The following SHISAL1 variants were observed in gnomAD, a reference collection of about 807,000 sequenced individuals.
SHISAL1 encodes protein shisa-like-1.
SHISAL1 carries 9 observed loss-of-function variants against 22.6 expected under a neutral mutation model. The ratio of observed to expected loss-of-function variants is 0.40; its 90% CI spans 0.24 to 0.70. The LOEUF (loss-of-function observed/expected upper bound fraction) is 0.70, where lower values mean the gene tolerates loss of function less well. Ranked by LOEUF, SHISAL1 falls within the 30% of genes least tolerant of loss-of-function variation. SHISAL1 has a pLI of 0.39. For missense variants in SHISAL1, 246 were observed against 270.6 expected (o/e 0.91, Z 0.64); for synonymous variants, 119 against 115.4 (o/e 1.03, Z -0.20).
intron 3 of SHISAL1, among the ~76,000 whole-genome samples, chr22:44,290,545 C>CAAAAACAAAAAAAA (rs2055346207): frequency 8.1e-6 from 1 of 123,484 alleles, no homozygotes; most frequent in African/African-American, 3.0e-5. Flanking sequence ...AAAAAAAAAA[C>CAAAAACAAAAAAAA]AAAAAACGGG....
At chr22:44,276,663 G>T (rs544784864) in intron 4 of SHISAL1, among the ~76,000 whole-genome samples, 1 of 152,230 alleles carries the variant, frequency 6.6e-6, no homozygotes, top group Non-Finnish European at 1.5e-5. Context: ...GGGAGGCAGC[G>T]GGGATGTGGA....
intron 4 of SHISAL1, among the ~76,000 whole-genome samples, chr22:44,263,969 C>T (rs1415924481): frequency 6.6e-6 from 1 of 152,208 alleles, no homozygotes; most frequent in Non-Finnish European, 1.5e-5. Context: ...GCATTCACTT[C>T]ACCAAGAGAC....
At chr22:44,280,521 C>T (rs2055268956) in intron 4 of SHISAL1, among the ~76,000 whole-genome samples, 1 of 152,178 alleles carries the variant, frequency 6.6e-6, no homozygotes, top group South Asian at 2.1e-4. Context: ...TCCCAGCACT[C>T]TCTGCTGGGC....
At chr22:44,290,539 A>AAAAAAAAAAAC (rs1377709388) in intron 3 of SHISAL1, among the ~76,000 whole-genome samples, 3 of 148,020 alleles carry the variant, frequency 2.0e-5, no homozygotes, top group African/African-American at 2.6e-5. Context: ...CAAAAAAAAA[A>AAAAAAAAAAAC]AAAAACAAAA....
At chr22:44,289,517 C>A (rs1466763229) in intron 3 of SHISAL1, among the ~76,000 whole-genome samples, 1 of 148,732 alleles carries the variant, frequency 6.7e-6, no homozygotes, top group East Asian at 2.1e-4. Context: ...CTCCTGGCCT[C>A]TGCAGCCAGC....
chr22:44,324,381 A>C, the SHISAL1 span, among the ~76,000 whole-genome samples: 1 of 152,274 alleles, frequency 6.6e-6, no homozygotes, highest in South Asian at 2.1e-4. Flanking sequence ...TCATTTCCTC[A>C]TTCATTCAAC....
At chr22:44,319,296 G>A in the SHISAL1 span, among the ~76,000 whole-genome samples, 7 of 152,260 alleles carry the variant, frequency 4.6e-5, no homozygotes, top group Non-Finnish European at 7.3e-5. Context: ...ACACAGCCTC[G>A]GAGAGATTGT....
intron 1 of SHISAL1, among the ~76,000 whole-genome samples, chr22:44,307,140 G>A (rs569377514): frequency 5.3e-5 from 8 of 152,302 alleles, no homozygotes; most frequent in East Asian, 1.9e-4. Context: ...GGCGTCCGCC[G>A]TCCTCCATCC....
rs146516955 is a variant in SHISAL1 at position 44,289,442 on chromosome 22, G to A, written c.282-3697C>T. 3.6e-3 allele frequency among the ~76,000 whole-genome samples: 542 copies of A among 150,962 alleles called. 3 individuals carry two copies. The highest frequency in any genetic ancestry group is 0.013 in the African/African-American group (522 of 41,006). On this transcript the variant is annotated intron_variant, in intron 3 of 4. Coordinates refer to ENST00000381176, the MANE Select transcript of SHISAL1 (RefSeq NM_001099294.2). ...CCCTGTCCTCCCTCCTTGGGGCACC[G>A]TGCAGATCAGTGTGTCATTGTAAAT... is the stretch of plus-strand genomic sequence containing the variant.
the SHISAL1 span, among the ~76,000 whole-genome samples, chr22:44,325,228 G>C: frequency 0.062 from 9,275 of 148,642 alleles, 610 homozygotes; most frequent in African/African-American, 0.17. Flanking sequence ...GGGTGACAGA[G>C]AGAGACTCCG....
Position 44,296,852 on chromosome 22 carries a change from T to A in SHISAL1, c.101A>T (p.Tyr34Phe). 6.2e-7 allele frequency: 1 copy of A among 1,612,888 alleles called. No individual in the cohort carries two copies. The highest frequency in any genetic ancestry group is 8.5e-7 in the Non-Finnish European group (1 of 1,179,992). ...LSAHFRVCEP[Y>F]TDHKGRYHFG... Reference sequence around the variant, plus strand: ...GTGGTAGCGGCCTTTGTGGTCTGTGTATGGTTCACAGACCCGGAAATGTGC... The same window carrying A: ...GTGGTAGCGGCCTTTGTGGTCTGTGAATGGTTCACAGACCCGGAAATGTGC... Residue 34 changes from tyrosine (Y) to phenylalanine (F), a missense_variant, in exon 3 of 5, where the codon TAC becomes TTC. Tyr to Phe is a conservative substitution (Grantham distance 22, BLOSUM62 3). Transcript: ENST00000381176.
At chr22:44,278,780 A>C (rs1239262108) in intron 4 of SHISAL1, among the ~76,000 whole-genome samples, 1 of 152,116 alleles carries the variant, frequency 6.6e-6, no homozygotes, top group Non-Finnish European at 1.5e-5. Context: ...GCTGGGCCAC[A>C]GTCAGCCACA....
chr22:44,249,742 T>G (rs2055034040), intron 4 of SHISAL1, 57 bp from the exon 5 acceptor site: 1 of 777,568 alleles, frequency 1.3e-6, no homozygotes, highest in Non-Finnish European at 2.4e-6. Context: ...TGGGGACATT[T>G]CTCTCTGGCC....
Position 44,245,833 on chromosome 22 carries a change from T to A in SHISAL1, c.*3852A>T, listed in dbSNP as rs2054995600. Reference sequence around the variant, plus strand: ...CCCTGACATTCCCAAGTCCTCCTCTTCAGCTCTGGGCCAAAATTTGACTGA... The same window carrying A: ...CCCTGACATTCCCAAGTCCTCCTCTACAGCTCTGGGCCAAAATTTGACTGA... On this transcript the variant is annotated 3_prime_UTR_variant, in exon 5 of 5. Transcript: ENST00000381176. 1 of 152,216 alleles carries A rather than the reference T, an allele frequency of 6.6e-6. No individual in the cohort carries two copies. Among genetic ancestry groups the A allele is most frequent in the Non-Finnish European group, 1.5e-5 (1 of 68,050 alleles). 9.4% of individuals were successfully genotyped at this position (152,216 alleles called of 1,614,324 possible). A position where few individuals can be genotyped will look rare whatever the true frequency, so the allele number is the denominator to read the frequency against.
At chr22:44,275,090 C>T (rs61250960) in intron 4 of SHISAL1, among the ~76,000 whole-genome samples, 89 of 152,306 alleles carry the variant, frequency 5.8e-4, no homozygotes, top group African/African-American at 1.8e-3. Flanking sequence ...AGGTTTTCAA[C>T]GTAAACTTGT....
intron 4 of SHISAL1, among the ~76,000 whole-genome samples, chr22:44,258,627 T>C (rs1179513895): frequency 1.3e-5 from 2 of 152,188 alleles, no homozygotes; most frequent in Non-Finnish European, 2.9e-5. Flanking sequence ...GCTCCATCCA[T>C]GTCCCTGCAA....
At chr22:44,269,266 ACACC>A (rs1179407424) in intron 4 of SHISAL1, among the ~76,000 whole-genome samples, 2 of 150,874 alleles carry the variant, frequency 1.3e-5, no homozygotes, top group African/African-American at 4.9e-5. Flanking sequence ...CGCCACACAG[ACACC>A]CACAACACAC....
At chr22:44,319,916 G>A in the SHISAL1 span, among the ~76,000 whole-genome samples, 1 of 152,224 alleles carries the variant, frequency 6.6e-6, no homozygotes, top group African/African-American at 2.4e-5. Flanking sequence ...CCAGGGATGG[G>A]CGGCGGGGTG....
chr22:44,315,406 G>T (rs1001362629), upstream of SHISAL1, among the ~76,000 whole-genome samples: 9 of 152,022 alleles, frequency 5.9e-5, no homozygotes, highest in Non-Finnish European at 1.5e-5. Context: ...AGAAAGGAGC[G>T]TTTTTTTCCG....
Sources: gnomAD v4.1 joint callset for allele counts (sites outside exome capture counted in the v4.1 genomes callset) on GRCh38, gnomAD v4.1.1 for gene constraint, MANE v1.5 for transcripts, NCBI Gene and HGNC (gene_info 2026-07-23, HGNC 2026-07-21) for gene names.